Variants in ZBTB7C observed in about 807,000 individuals in gnomAD.
ZBTB7C encodes the protein zinc finger and BTB domain-containing protein 7C.
In ZBTB7C, 8 loss-of-function variants were observed where a neutral mutation model predicts 25.7. The ratio of observed to expected loss-of-function variants is 0.31; its 90% CI spans 0.18 to 0.56. The LOEUF (loss-of-function observed/expected upper bound fraction) is 0.56, where lower values mean the gene tolerates loss of function less well. Ranked by LOEUF, ZBTB7C falls within the 20% of genes least tolerant of loss-of-function variation. The pLI, the probability that ZBTB7C is intolerant of heterozygous loss-of-function variation, is 0.91. For missense variants in ZBTB7C, 824 were observed against 855.2 expected (o/e 0.96, Z 0.46); for synonymous variants, 394 against 369.0 (o/e 1.07, Z -0.78).
intron 3 of ZBTB7C, among the ~76,000 whole-genome samples, chr18:48,117,010 G>A (rs2039463112): frequency 6.6e-6 from 1 of 152,128 alleles, no homozygotes; most frequent in Non-Finnish European, 1.5e-5. Context: ...TATGATCTGA[G>A]AATGGACTTC....
chr18:48,153,426 G>C (rs1027832383), intron 3 of ZBTB7C, among the ~76,000 whole-genome samples: 2 of 152,056 alleles, frequency 1.3e-5, no homozygotes, highest in Admixed American at 6.6e-5. Context: ...CCTCTCCCTG[G>C]GTAATTCAGG....
intron 3 of ZBTB7C, among the ~76,000 whole-genome samples, chr18:48,063,038 C>G (rs1309811727): frequency 1.3e-5 from 2 of 152,230 alleles, no homozygotes; most frequent in Admixed American, 6.5e-5. Context: ...GAAAGGATTA[C>G]AGAGACACCA....
intron 2 of ZBTB7C, among the ~76,000 whole-genome samples, chr18:48,278,943 G>GTT (rs748213528): frequency 1.3e-4 from 19 of 141,236 alleles, no homozygotes; most frequent in African/African-American, 3.1e-4. Flanking sequence ...TTGCTTTCTT[G>GTT]TTTTTTTTTT....
Position 48,040,451 on chromosome 18 carries a change from C to G in ZBTB7C, c.657G>C (p.Leu219=). ...DSFQAGSPGH[L]GVIRDFSIES... ...CGATGGAGAAGTCCCGGATCACCCC[C>G]AGATGGCCAGGACTGCCAGCCTGGA... The change falls in exon 4 of 5, where the codon CTG becomes CTC. Residue 219 remains leucine, a synonymous_variant. Transcript: ENST00000590800. 6.2e-7 allele frequency: 1 copy of G among 1,607,528 alleles called. No individual in the cohort carries two copies. The highest frequency in any genetic ancestry group is 1.1e-5 in the South Asian group (1 of 89,766).
chr18:48,357,929 G>A (rs910662521), intron 1 of ZBTB7C, among the ~76,000 whole-genome samples: 1 of 152,200 alleles, frequency 6.6e-6, no homozygotes, highest in East Asian at 1.9e-4. Context: ...AATCCCCAGC[G>A]TTGGAGGTGA....
upstream of ZBTB7C, among the ~76,000 whole-genome samples, chr18:48,410,100 G>T (rs2048366537): frequency 6.6e-6 from 1 of 151,728 alleles, no homozygotes; most frequent in Admixed American, 6.5e-5. Context: ...AAAACAACTC[G>T]GCAACTGCTT....
chr18:48,225,333 AG>A, intron 2 of ZBTB7C, among the ~76,000 whole-genome samples: 1 of 151,758 alleles, frequency 6.6e-6, no homozygotes, highest in African/African-American at 2.4e-5. Flanking sequence ...AAGGGGAAGG[AG>A]AGGGAGAGAG....
intron 1 of ZBTB7C, among the ~76,000 whole-genome samples, chr18:48,354,446 C>T (rs187000843): frequency 1.3e-5 from 2 of 152,244 alleles, no homozygotes; most frequent in East Asian, 3.9e-4. Flanking sequence ...ACAGACCATC[C>T]AATATGGACA....
Position 48,167,595 on chromosome 18 carries a change from T to TGTGTGTGTGTGTGC in ZBTB7C, c.-17+18338_-17+18339insGCACACACACACAC, listed in dbSNP as rs1482842757. On this transcript the variant is annotated intron_variant, in intron 3 of 4. Coordinates refer to ENST00000590800, the MANE Select transcript of ZBTB7C (RefSeq NM_001318841.2). ...GTGTGTGTGTGTGTGTGTGTGTGTG[T>TGTGTGTGTGTGTGC]GTGCGCGCGTGCACACGCGCATGCG... Among the ~76,000 whole-genome samples, 430 of 150,300 alleles carry TGTGTGTGTGTGTGC rather than the reference T, an allele frequency of 2.9e-3. 4 individuals carry two copies. Among genetic ancestry groups the TGTGTGTGTGTGTGC allele is most frequent in the African/African-American group, 0.01 (410 of 40,348 alleles).
At chr18:48,148,956 G>A (rs2040582020) in intron 3 of ZBTB7C, 1 of 152,254 alleles carries the variant, frequency 6.6e-6, no homozygotes, top group Non-Finnish European at 1.5e-5. Flanking sequence ...ACTCTTGTGA[G>A]TTATCAGATT....
chr18:48,267,708 G>A (rs1014891044), intron 2 of ZBTB7C, among the ~76,000 whole-genome samples: 2 of 152,160 alleles, frequency 1.3e-5, no homozygotes, highest in East Asian at 3.9e-4. Context: ...GGTCATGAGG[G>A]TGGAGCCCTC....
At chr18:48,260,833 T>C (rs1000473628) in intron 2 of ZBTB7C, among the ~76,000 whole-genome samples, 2 of 152,220 alleles carry the variant, frequency 1.3e-5, no homozygotes, top group African/African-American at 4.8e-5. Flanking sequence ...GGCCTGGTGA[T>C]CTGGCCTCCC....
intron 1 of ZBTB7C, among the ~76,000 whole-genome samples, chr18:48,356,208 T>A (rs968842006): frequency 6.6e-6 from 1 of 152,162 alleles, no homozygotes; most frequent in Non-Finnish European, 1.5e-5. Flanking sequence ...CTTGTCGGAC[T>A]GTTACAGAGA....
chr18:48,364,987 T>C (rs9957551), intron 1 of ZBTB7C, among the ~76,000 whole-genome samples: 1,828 of 152,324 alleles, frequency 0.012, 25 homozygotes, highest in African/African-American at 0.039. Context: ...GGCCTGAGAA[T>C]GTGCATTCTC....
chr18:48,378,794 T>C (rs1412351203), intron 1 of ZBTB7C, among the ~76,000 whole-genome samples: 1 of 152,030 alleles, frequency 6.6e-6, no homozygotes, highest in Non-Finnish European at 1.5e-5. Context: ...GAAACAAAAA[T>C]TCTTGTAAAT....
chr18:48,178,867 C>G (rs1197062688), intron 3 of ZBTB7C, among the ~76,000 whole-genome samples: 4 of 152,130 alleles, frequency 2.6e-5, no homozygotes, highest in Non-Finnish European at 5.9e-5. Context: ...CATCATGTGT[C>G]CCATTGTGCC....
At chr18:48,361,926 C>T (rs1306514558) in intron 1 of ZBTB7C, among the ~76,000 whole-genome samples, 3 of 152,184 alleles carry the variant, frequency 2.0e-5, no homozygotes, top group Non-Finnish European at 4.4e-5. Flanking sequence ...CAGGAGGAGA[C>T]AATGAGGGGA....
chr18:48,329,496 A>C (rs549490350), intron 2 of ZBTB7C, among the ~76,000 whole-genome samples: 1 of 152,338 alleles, frequency 6.6e-6, no homozygotes, highest in Admixed American at 6.5e-5. Flanking sequence ...AAAGTAAAAC[A>C]ACCAAAAGTA....
At chr18:48,049,429 G>A (rs1036732101) in intron 3 of ZBTB7C, among the ~76,000 whole-genome samples, 1 of 152,156 alleles carries the variant, frequency 6.6e-6, no homozygotes, top group Non-Finnish European at 1.5e-5. Flanking sequence ...CTGCTTCAAG[G>A]CAGGGTCTAT....
Sources: gnomAD v4.1 joint callset for allele counts (sites outside exome capture counted in the v4.1 genomes callset) on GRCh38, gnomAD v4.1.1 for gene constraint, MANE v1.5 for transcripts, NCBI Gene and HGNC (gene_info 2026-07-23, HGNC 2026-07-21) for gene names.